The following ZNF680 variants were observed in gnomAD, a reference collection of about 807,000 sequenced individuals.
ZNF680 encodes zinc finger protein 680.
Under a neutral mutation model 12.1 loss-of-function variants are expected in ZNF680, and 6 were observed. That is an observed-to-expected ratio of 0.49 (90% CI 0.27 to 0.98). The LOEUF is 0.98. Ranked by LOEUF, ZNF680 falls within the 50% of genes least tolerant of loss-of-function variation. The pLI, the probability that ZNF680 is intolerant of heterozygous loss-of-function variation, is 0.12. For missense variants in ZNF680, 561 were observed against 616.3 expected (o/e 0.91, Z 0.95); for synonymous variants, 170 against 199.3 (o/e 0.85, Z 1.24).
At chr7:64,516,462 T>A (rs1791356537), downstream of ZNF680, among the ~76,000 whole-genome samples, 1 of 152,094 alleles carries the variant, frequency 6.6e-6, no homozygotes, top group South Asian at 2.1e-4. Context: ...GCTCCCAAAT[T>A]TATAAAACAA....
Position 64,563,034 on chromosome 7 carries a change from T to A in ZNF680, c.-80A>T. 1 of 1,545,210 alleles carries A rather than the reference T, an allele frequency of 6.5e-7. No individual in the cohort carries two copies. The highest frequency in any genetic ancestry group is 8.9e-7 in the Non-Finnish European group (1 of 1,120,606). ...TCTAGGAGCAGAATACACAGAGCAG[T>A]AAAGACTAGACCTGGAGCTCCCGCA... On this transcript the variant is annotated 5_prime_UTR_variant, in exon 1 of 4. Transcript: ENST00000309683.
chr7:64,525,614 G>T, intron 3 of ZNF680: 1 of 318,128 alleles, frequency 3.1e-6, no homozygotes, highest in East Asian at 1.7e-4. Context: ...GGAATATGTT[G>T]CATAACAATG....
intron 1 of ZNF680, chr7:64,551,948 G>A (rs1367729957): frequency 6.6e-6 from 1 of 152,192 alleles, no homozygotes; most frequent in Non-Finnish European, 1.5e-5. Context: ...TTACGAAAAA[G>A]GGAGCATATT....
At chr7:64,543,843 T>C in intron 2 of ZNF680, 41 bp from the exon 3 acceptor site, 1 of 1,560,520 alleles carries the variant, frequency 6.4e-7, no homozygotes, top group Non-Finnish European at 8.8e-7. Flanking sequence ...TTGCTCATAT[T>C]CTCCAATTAC....
At chr7:64,556,865 C>T (rs969966980) in intron 1 of ZNF680, among the ~76,000 whole-genome samples, 1 of 150,762 alleles carries the variant, frequency 6.6e-6, no homozygotes, top group African/African-American at 2.4e-5. Context: ...ATAGAGTAAA[C>T]AAACAACCTA....
chr7:64,506,521 C>T, the ZNF680 span, among the ~76,000 whole-genome samples: 1 of 152,128 alleles, frequency 6.6e-6, no homozygotes, highest in Non-Finnish European at 1.5e-5. Context: ...TCTAAGTAAA[C>T]AAAGATAATA....
In ZNF680 at chr7:64,543,730, T is replaced by C. The variant is rs762447082; in HGVS notation, c.230A>G (p.Gln77Arg). 11 of 1,613,658 alleles carry C rather than the reference T, an allele frequency of 6.8e-6. No homozygotes were observed. The South Asian group carries it at 1.2e-4, about 18-fold the overall frequency. Residue 77 changes from glutamine (Q) to arginine (R), a missense_variant, in exon 3 of 4, where the codon CAG becomes CGG. Gln to Arg is a conservative substitution (Grantham distance 43). Transcript: ENST00000309683. ...ACCTGGGGGTTTGGCTACCATCTCC[T>C]GTCTCTTCCTATTCCAGGGCTCTTT... ...QGKEPWNRKR[Q>R]EMVAKPPVIY...
At chr7:64,515,927 G>C (rs117738702), downstream of ZNF680, among the ~76,000 whole-genome samples, 5 of 151,842 alleles carry the variant, frequency 3.3e-5, no homozygotes, top group Non-Finnish European at 7.4e-5. Flanking sequence ...GCTTCTAATA[G>C]GTCCTGGGCC....
At chr7:64,548,160 C>A (rs1786880250) in intron 1 of ZNF680, among the ~76,000 whole-genome samples, 1 of 152,200 alleles carries the variant, frequency 6.6e-6, no homozygotes. Context: ...CTTTTAGCCA[C>A]TGCCATGTCA....
At chr7:64,555,786 A>C (rs1241753855) in intron 1 of ZNF680, among the ~76,000 whole-genome samples, 4 of 151,020 alleles carry the variant, frequency 2.6e-5, no homozygotes, top group Non-Finnish European at 5.9e-5. Context: ...TAATAAAGAA[A>C]TAAGAGAAGG....
At chr7:64,554,119 T>C (rs1275963440) in intron 1 of ZNF680, among the ~76,000 whole-genome samples, 2 of 128,872 alleles carry the variant, frequency 1.6e-5, no homozygotes, top group African/African-American at 6.0e-5. Flanking sequence ...TTCCCGGCCG[T>C]CATCCCGTCT....
At chr7:64,510,367 C>G in the ZNF680 span, among the ~76,000 whole-genome samples, 1 of 151,666 alleles carries the variant, frequency 6.6e-6, no homozygotes, top group Non-Finnish European at 1.5e-5. Context: ...TTTTAAATAG[C>G]CTAAAAAAAG....
At chr7:64,536,433 G>GAGAC (rs772001177) in intron 3 of ZNF680, among the ~76,000 whole-genome samples, 1 of 152,200 alleles carries the variant, frequency 6.6e-6, no homozygotes, top group Non-Finnish European at 1.5e-5. Flanking sequence ...CACATGGTAA[G>GAGAC]AGACAGAGCA....
At chr7:64,540,511 G>C (rs1037287109) in intron 3 of ZNF680, among the ~76,000 whole-genome samples, 17 of 151,998 alleles carry the variant, frequency 1.1e-4, no homozygotes, top group Admixed American at 6.6e-5. Flanking sequence ...CACCATATTG[G>C]CCAGGCTGGT....
At chr7:64,536,088 A>T (rs1786148994) in intron 3 of ZNF680, among the ~76,000 whole-genome samples, 2 of 152,332 alleles carry the variant, frequency 1.3e-5, no homozygotes, top group Admixed American at 1.3e-4. Context: ...GTGTATTAAT[A>T]ACATCAGGTC....
the ZNF680 span, among the ~76,000 whole-genome samples, chr7:64,502,080 C>T: frequency 2.1e-5 from 3 of 143,664 alleles, no homozygotes; most frequent in Admixed American, 2.1e-4. Context: ...TCTTGCTTCA[C>T]TGCAACCTCC....
chr7:64,530,871 T>A (rs746241776), intron 3 of ZNF680, among the ~76,000 whole-genome samples: 54 of 145,510 alleles, frequency 3.7e-4, no homozygotes, highest in East Asian at 2.4e-3. Context: ...AAAAAAAATT[T>A]AAAAATAATA....
the ZNF680 span, chr7:64,501,604 G>T: frequency 1.3e-6 from 1 of 778,322 alleles, no homozygotes; most frequent in Non-Finnish European, 2.3e-6. Flanking sequence ...GCTGAGGAGG[G>T]GGATCTACTG....
At chr7:64,502,259 C>T in the ZNF680 span, among the ~76,000 whole-genome samples, 6 of 152,128 alleles carry the variant, frequency 3.9e-5, no homozygotes, top group Admixed American at 6.5e-5. Context: ...GATCCACCCG[C>T]CTCGGCCTCT....
Sources: allele counts gnomAD v4.1 joint callset (sites outside exome capture counted in the v4.1 genomes callset), GRCh38; gene constraint gnomAD v4.1.1; transcripts MANE v1.5; gene names NCBI Gene and HGNC (gene_info 2026-07-23, HGNC 2026-07-21).